The following LYRM4 variants were observed in gnomAD, a reference collection of about 807,000 sequenced individuals.
LYRM4 encodes LYR motif-containing protein 4.
A neutral mutation model predicts 11.7 loss-of-function variants in LYRM4; 9 were observed. The observed-to-expected ratio is 0.77, with a 90% CI of 0.46 to 1.34. LYRM4 has a LOEUF of 1.34. LYRM4 is among the 40% of genes most tolerant of loss of function. LYRM4 has a pLI of 0.00. For synonymous variants in LYRM4, 42 were observed against 40.4 expected, an observed-to-expected ratio of 1.04 and a Z score of -0.15; for missense variants, 133 against 112.5, an observed-to-expected ratio of 1.18 and a Z score of -0.82.
intron 2 of LYRM4, among the ~76,000 whole-genome samples, chr6:5,146,041 T>G (rs1348250339): frequency 1.3e-5 from 2 of 152,224 alleles, no homozygotes; most frequent in African/African-American, 2.4e-5. Context: ...ATATATACAT[T>G]CAATGAGATC....
chr6:5,043,394 T>A, the LYRM4 span: 8 of 152,194 alleles, frequency 5.3e-5, no homozygotes, highest in Non-Finnish European at 1.0e-4. Context: ...AAGGACTCCT[T>A]ATACTTCAAT....
At chr6:5,217,029 C>T (rs1762311987) in intron 1 of LYRM4, among the ~76,000 whole-genome samples, 1 of 152,166 alleles carries the variant, frequency 6.6e-6, no homozygotes, top group Non-Finnish European at 1.5e-5. Flanking sequence ...TGGCTTCATT[C>T]CATTTACATG....
chr6:5,074,005 C>T, the LYRM4 span, among the ~76,000 whole-genome samples: 2 of 152,106 alleles, frequency 1.3e-5, no homozygotes, highest in South Asian at 2.1e-4. Context: ...CCAACACCAC[C>T]AATGCCTCAG....
the LYRM4 span, among the ~76,000 whole-genome samples, chr6:5,074,921 T>C: frequency 7.9e-5 from 12 of 152,208 alleles, 1 homozygote; most frequent in Admixed American, 7.2e-4. Flanking sequence ...TGAGAGGTGA[T>C]TGGATTATGG....
At chr6:5,217,358 C>G (rs763347093) in intron 1 of LYRM4, among the ~76,000 whole-genome samples, 1 of 152,212 alleles carries the variant, frequency 6.6e-6, no homozygotes, top group Admixed American at 6.5e-5. Flanking sequence ...CACACGCCTA[C>G]CACCCACCCC....
chr6:5,173,550 C>T (rs950242514), intron 2 of LYRM4, among the ~76,000 whole-genome samples: 2 of 152,140 alleles, frequency 1.3e-5, no homozygotes, highest in Admixed American at 6.5e-5. Flanking sequence ...AATTACAATC[C>T]TTTTCTTTTC....
chr6:5,085,842 C>T, the LYRM4 span: 1 of 1,528,360 alleles, frequency 6.5e-7, no homozygotes, highest in African/African-American at 1.4e-5. Context: ...ACGCACAGCT[C>T]GGCCCGGGCG....
At chr6:5,054,221 G>A in the LYRM4 span, 55 of 432,366 alleles carry the variant, frequency 1.3e-4, no homozygotes, top group African/African-American at 1.2e-3. Context: ...TCAAATGAAT[G>A]CCTTGTCCCT....
At chr6:5,124,542 C>A (rs1043844206) in intron 2 of LYRM4, among the ~76,000 whole-genome samples, 8 of 152,216 alleles carry the variant, frequency 5.3e-5, no homozygotes, top group African/African-American at 1.9e-4. Context: ...CAGAAATATT[C>A]ATCCCTCATG....
At chr6:5,083,177 T>C in the LYRM4 span, among the ~76,000 whole-genome samples, 2 of 152,228 alleles carry the variant, frequency 1.3e-5, no homozygotes, top group African/African-American at 4.8e-5. Flanking sequence ...TTCTCTGTCC[T>C]GGAGTGAGCA....
rs58749743 is a variant in LYRM4, at chr6:5,179,065, CAAA to C, written c.207+37550_207+37552del. ...GCCAAAAACAAACAAACCAAAAAAACAAAAAAAAAAAAAAAAAAAAAAAAGAAA... is the reference window on the plus strand; with the variant it reads ...GCCAAAAACAAACAAACCAAAAAAACAAAAAAAAAAAAAAAAAAAAAGAAA... On this transcript the variant is annotated intron_variant, in intron 2 of 2. Coordinates refer to ENST00000330636, the MANE Select transcript of LYRM4 (RefSeq NM_020408.6). Among the ~76,000 whole-genome samples the C allele has an allele frequency of 7.5e-3, 783 of 103,804 alleles. 6 individuals carry two copies. The highest frequency in any genetic ancestry group is 0.03 in the African/African-American group (743 of 24,918). The allele number at this position is 103,804 out of a possible 152,430, so 68.1% of individuals were successfully genotyped here.
chr6:5,204,198 G>A (rs1258623598), intron 2 of LYRM4, among the ~76,000 whole-genome samples: 1 of 152,088 alleles, frequency 6.6e-6, no homozygotes, highest in African/African-American at 2.4e-5. Context: ...GGGGCACCAG[G>A]GAAAATAAAA....
intron 2 of LYRM4, among the ~76,000 whole-genome samples, chr6:5,159,263 G>C (rs1758609380): frequency 1.3e-5 from 2 of 152,236 alleles, no homozygotes. Flanking sequence ...AGATGAAGAT[G>C]AGTAGAGGAC....
At chr6:5,094,740 G>A in the LYRM4 span, among the ~76,000 whole-genome samples, 33 of 152,240 alleles carry the variant, frequency 2.2e-4, no homozygotes, top group African/African-American at 7.2e-4. Flanking sequence ...TGACTGTATG[G>A]TGGTGTTTCT....
intron 1 of LYRM4, among the ~76,000 whole-genome samples, chr6:5,254,414 T>C (rs1476176688): frequency 6.6e-6 from 1 of 152,226 alleles, no homozygotes; most frequent in Non-Finnish European, 1.5e-5. Context: ...ACTTATTTCT[T>C]GTTGGCAAAA....
chr6:5,256,255 C>T (rs1035531410), intron 1 of LYRM4, among the ~76,000 whole-genome samples: 3 of 151,636 alleles, frequency 2.0e-5, no homozygotes, highest in East Asian at 1.9e-4. Context: ...TTTGGGAGGC[C>T]GAGGTGGGCG....
At chr6:5,155,022 G>C (rs1758328640) in intron 2 of LYRM4, among the ~76,000 whole-genome samples, 1 of 152,082 alleles carries the variant, frequency 6.6e-6, no homozygotes, top group Admixed American at 6.5e-5. Context: ...CAGAAGCACT[G>C]CTTCTTTTCT....
chr6:5,066,211 C>G, the LYRM4 span: 1 of 711,882 alleles, frequency 1.4e-6, no homozygotes, highest in Non-Finnish European at 2.6e-6. Context: ...CTTAATCTCA[C>G]AAGCTACTTG....
intron 2 of LYRM4, among the ~76,000 whole-genome samples, chr6:5,143,018 A>C (rs996482473): frequency 3.3e-5 from 5 of 152,220 alleles, no homozygotes; most frequent in Non-Finnish European, 7.3e-5. Flanking sequence ...ACGTGGCTGC[A>C]TTCCGGATAT....
Sources: allele counts gnomAD v4.1 joint callset (sites outside exome capture counted in the v4.1 genomes callset), GRCh38; gene constraint gnomAD v4.1.1; transcripts MANE v1.5; gene names NCBI Gene and HGNC (gene_info 2026-07-23, HGNC 2026-07-21).